Variants in NCAM2 observed in about 807,000 individuals in gnomAD.
NCAM2 encodes neural cell adhesion molecule 2.
Under a neutral mutation model 98.1 loss-of-function variants are expected in NCAM2, and 30 were observed. That is an observed-to-expected ratio of 0.31 (90% CI 0.23 to 0.41). The LOEUF (loss-of-function observed/expected upper bound fraction) is 0.41, where lower values mean the gene tolerates loss of function less well. Among genes scored for constraint, NCAM2 ranks in the 10% least tolerant of loss-of-function variants. NCAM2 has a pLI of 1.00. For synonymous variants in NCAM2, 368 were observed against 342.4 expected, an observed-to-expected ratio of 1.07 and a Z score of -0.83; for missense variants, 867 against 1,005.8, an observed-to-expected ratio of 0.86 and a Z score of 1.87.
rs538992527 is a variant in NCAM2 at position 21,094,485 on chromosome 21, G to C, written c.55+95867G>C. On this transcript the variant is annotated intron_variant, in intron 1 of 17. Transcript: ENST00000400546. ...TACTCAGACATTGAGTATAATAATA[G>C]TTTATCTAGAAGATAAACTATTTAT... Among the ~76,000 whole-genome samples, 20 of 151,606 alleles carry C rather than the reference G, an allele frequency of 1.3e-4. No individual in the cohort carries two copies. In the South Asian group the frequency reaches 4.2e-3, roughly 32 times the overall value.
At chr21:21,204,298 T>A (rs1377420555) in intron 1 of NCAM2, among the ~76,000 whole-genome samples, 1 of 152,138 alleles carries the variant, frequency 6.6e-6, no homozygotes, top group Admixed American at 6.5e-5. Flanking sequence ...AATATAAATA[T>A]TATTATTTAT....
intron 1 of NCAM2, among the ~76,000 whole-genome samples, chr21:21,064,608 A>C (rs567466068): frequency 6.6e-6 from 1 of 152,158 alleles, no homozygotes. Context: ...CTCAGGGTTC[A>C]TCACTCTGAG....
chr21:21,326,048 G>A (rs994899323), intron 6 of NCAM2, among the ~76,000 whole-genome samples: 3 of 152,144 alleles, frequency 2.0e-5, no homozygotes. Flanking sequence ...AAACTGTTCT[G>A]TGTAAAGGGG....
At chr21:21,372,128 T>A (rs2075932208) in intron 8 of NCAM2, among the ~76,000 whole-genome samples, 1 of 151,906 alleles carries the variant, frequency 6.6e-6, no homozygotes, top group African/African-American at 2.4e-5. Flanking sequence ...ACACATTATA[T>A]AATTTCAATT....
chr21:21,264,935 A>G (rs1289868276), intron 1 of NCAM2, among the ~76,000 whole-genome samples: 2 of 83,652 alleles, frequency 2.4e-5, no homozygotes, highest in Non-Finnish European at 5.6e-5. Flanking sequence ...ACACATATAT[A>G]TGTGTGTGTA....
chr21:21,167,606 A>G (rs75679503), intron 1 of NCAM2, among the ~76,000 whole-genome samples: 2,068 of 152,276 alleles, frequency 0.014, 49 homozygotes, highest in African/African-American at 0.048. Flanking sequence ...TAGAAAAAAG[A>G]AACAGATGAT....
rs73226376 is a variant in NCAM2 at position 21,155,233 on chromosome 21, G to A, written c.56-125345G>A. 3.3e-3 allele frequency among the ~76,000 whole-genome samples: 494 copies of A among 150,420 alleles called. 2 individuals carry two copies. The highest frequency in any genetic ancestry group is 5.6e-3 in the Non-Finnish European group (380 of 67,404). On this transcript the variant is annotated intron_variant, in intron 1 of 17. Coordinates refer to ENST00000400546, the MANE Select transcript of NCAM2 (RefSeq NM_004540.5). Reference sequence around the variant, plus strand: ...ACTTCAGAAAATGTTTGCCATGTGAGCCCTCACAAAGGTGAGTGGCAACCC... The same window carrying A: ...ACTTCAGAAAATGTTTGCCATGTGAACCCTCACAAAGGTGAGTGGCAACCC...
At chr21:21,051,612 C>A (rs1295561274) in intron 1 of NCAM2, among the ~76,000 whole-genome samples, 1 of 152,210 alleles carries the variant, frequency 6.6e-6, no homozygotes, top group Non-Finnish European at 1.5e-5. Flanking sequence ...TTTGACTTAG[C>A]ATTACAGCTT....
intron 10 of NCAM2, among the ~76,000 whole-genome samples, chr21:21,418,119 A>T (rs74344654): frequency 0.058 from 8,764 of 152,046 alleles, 300 homozygotes; most frequent in East Asian, 0.12. Flanking sequence ...GTATACATAA[A>T]TATATACACA....
Position 21,026,176 on chromosome 21 carries a change from G to A in NCAM2, c.55+27558G>A, listed in dbSNP as rs998902706. On this transcript the variant is annotated intron_variant, in intron 1 of 17. Transcript: ENST00000400546. ...TGAACCTTGGAAGGAAGCAAGAGCCGGGCTCAGCATCTTCTAGCATTGTGG... is the reference window on the plus strand; with the variant it reads ...TGAACCTTGGAAGGAAGCAAGAGCCAGGCTCAGCATCTTCTAGCATTGTGG... Among the ~76,000 whole-genome samples, 6 of 152,224 alleles carry A rather than the reference G, an allele frequency of 3.9e-5. No homozygotes were observed. The East Asian group carries it at 9.7e-4, about 25-fold the overall frequency.
At chr21:21,303,919 G>A (rs2073804413) in intron 5 of NCAM2, among the ~76,000 whole-genome samples, 1 of 151,926 alleles carries the variant, frequency 6.6e-6, no homozygotes, top group Admixed American at 6.6e-5. Flanking sequence ...GATCATTTTT[G>A]GTAAAATGTC....
At chr21:21,130,599 A>C (rs1569055927) in intron 1 of NCAM2, among the ~76,000 whole-genome samples, 1 of 152,128 alleles carries the variant, frequency 6.6e-6, no homozygotes, top group East Asian at 1.9e-4. Flanking sequence ...GTCAGTAGGG[A>C]TGAATTACTA....
intron 12 of NCAM2, 65 bp from the exon 13 acceptor site, chr21:21,466,541 A>G: frequency 4.2e-6 from 5 of 1,184,444 alleles, no homozygotes; most frequent in Non-Finnish European, 5.7e-6. Context: ...CCTTATTAAA[A>G]TGTGTCCAAT....
chr21:21,308,184 A>T (rs1176648421), intron 5 of NCAM2, among the ~76,000 whole-genome samples: 1 of 152,104 alleles, frequency 6.6e-6, no homozygotes, highest in Non-Finnish European at 1.5e-5. Context: ...AAAGTATTTT[A>T]TATTTATCTA....
chr21:21,467,391 T>A (rs1983828413), intron 13 of NCAM2, among the ~76,000 whole-genome samples: 1 of 148,006 alleles, frequency 6.8e-6, no homozygotes, highest in Non-Finnish European at 1.5e-5. Context: ...TTTATATATA[T>A]ATATATATCG....
At chr21:21,499,605 A>G (rs1473981110) in intron 15 of NCAM2, among the ~76,000 whole-genome samples, 1 of 152,118 alleles carries the variant, frequency 6.6e-6, no homozygotes, top group Non-Finnish European at 1.5e-5. Flanking sequence ...TTTGTATAAA[A>G]GTGGAGAAGT....
At chr21:21,362,113 T>TA (rs1411076813) in intron 8 of NCAM2, among the ~76,000 whole-genome samples, 1 of 152,072 alleles carries the variant, frequency 6.6e-6, no homozygotes, top group Non-Finnish European at 1.5e-5. Flanking sequence ...GTTATTTCAG[T>TA]AACTTTTTTT....
chr21:21,418,529 T>G lies in NCAM2; in HGVS notation c.1440T>G (p.His480Gln). The G allele has an allele frequency of 6.2e-7, 1 of 1,612,466 alleles. No individual in the cohort carries two copies. Among genetic ancestry groups the G allele is most frequent in the Non-Finnish European group, 8.5e-7 (1 of 1,178,684 alleles). ...GCTATAATTGCACAGCCACTAATCA[T>G]ATAGGAACAAGATTTCAAGAATATA... is the stretch of plus-strand genomic sequence containing the variant. ...FGRYNCTATNHIGTRFQEYIL... is the reference protein window; with the variant it reads ...FGRYNCTATNQIGTRFQEYIL... Residue 480 changes from histidine to glutamine, a missense_variant, in exon 11 of 18, where the codon CAT becomes CAG. Physicochemically the swap from His to Gln is conservative, Grantham distance 24 (BLOSUM62 0). Around this residue, in one of 5 missense-constraint regions of NCAM2, gnomAD observed 234 missense variants for 333.8 expected, o/e 0.70. Coordinates refer to ENST00000400546, the MANE Select transcript of NCAM2 (RefSeq NM_004540.5).
At chr21:21,478,269 T>C (rs1985417550) in intron 15 of NCAM2, among the ~76,000 whole-genome samples, 1 of 152,138 alleles carries the variant, frequency 6.6e-6, no homozygotes, top group Non-Finnish European at 1.5e-5. Context: ...TTTAATTTTA[T>C]GCAGACATGT....
Sources: allele counts gnomAD v4.1 joint callset (sites outside exome capture counted in the v4.1 genomes callset), GRCh38; gene constraint gnomAD v4.1.1; regional missense constraint gnomAD v4.1.1; transcripts MANE v1.5; gene names NCBI Gene and HGNC (gene_info 2026-07-23, HGNC 2026-07-21).